The following GALNT15 variants were observed in gnomAD, a reference collection of about 807,000 sequenced individuals.
The protein encoded by GALNT15 is polypeptide N-acetylgalactosaminyltransferase 15.
In GALNT15, 67 loss-of-function variants were observed where a neutral mutation model predicts 66.8. The ratio of observed to expected loss-of-function variants is 1.00; its 90% confidence interval spans 0.82 to 1.23. GALNT15 has a LOEUF of 1.23. Among genes scored for constraint, GALNT15 ranks in the 50% most tolerant of loss-of-function variants. The pLI is 0.00. For synonymous variants in GALNT15, 313 were observed against 311.5 expected (o/e 1.00, Z -0.05); for missense variants, 827 against 804.3 (o/e 1.03, Z -0.34).
chr3:16,241,207 T>TAGCTTTTTGCCC, the GALNT15 span, among the ~76,000 whole-genome samples: 1 of 152,212 alleles, frequency 6.6e-6, no homozygotes, highest in Admixed American at 6.5e-5. This position sits in a 1 kb window ranked among gnomAD's most constrained non-coding sequence, Gnocchi z 4.6. Flanking sequence ...AAATTTTGCT[T>TAGCTTTTTGCCC]AGCTTTTTGC....
chr3:16,222,514 G>T, intron 8 of GALNT15, 101 bp from the exon 9 acceptor site: 2 of 1,378,208 alleles, frequency 1.5e-6, no homozygotes, highest in East Asian at 2.3e-5. Context: ...TCTGAAGATT[G>T]CCCCTAGACC....
intron 1 of GALNT15, among the ~76,000 whole-genome samples, chr3:16,194,833 G>C (rs2063615790): frequency 6.6e-6 from 1 of 152,142 alleles, no homozygotes; most frequent in African/African-American, 2.4e-5. Flanking sequence ...CCTGTTGTGG[G>C]GGCATGGGGA....
chr3:16,242,640 A>C, the GALNT15 span, among the ~76,000 whole-genome samples: 1 of 151,746 alleles, frequency 6.6e-6, no homozygotes, highest in Non-Finnish European at 1.5e-5. This position sits in a 1 kb window ranked among gnomAD's most constrained non-coding sequence, Gnocchi z 5.6. Flanking sequence ...ATACCTAGGC[A>C]TTGTAGCACA....
At chr3:16,240,084 C>T in the GALNT15 span, among the ~76,000 whole-genome samples, 96 of 152,244 alleles carry the variant, frequency 6.3e-4, no homozygotes, top group Admixed American at 1.3e-3. Flanking sequence ...GGCATCTGGC[C>T]GATACTCATG....
At chr3:16,232,473 T>TAAATAA (rs1559698324), downstream of GALNT15, among the ~76,000 whole-genome samples, 557 of 43,810 alleles carry the variant, frequency 0.013, 8 homozygotes, top group Non-Finnish European at 0.016. Flanking sequence ...TAAATAAATA[T>TAAATAA]ATATATATAT....
chr3:16,206,176 G>A (rs2063754554), intron 3 of GALNT15, among the ~76,000 whole-genome samples: 1 of 151,808 alleles, frequency 6.6e-6, no homozygotes, highest in Admixed American at 6.6e-5. Flanking sequence ...TCAGGAGTTC[G>A]AGACTAGCCT....
At position 16,219,504 on chromosome 3, in the gene GALNT15, A is replaced by G; in HGVS notation, c.1494A>G (p.Pro498=). The change falls in exon 7 of 10, where the codon CCA becomes CCG. Residue 498 remains proline (P), a synonymous_variant. Coordinates refer to ENST00000339732, the MANE Select transcript of GALNT15 (RefSeq NM_054110.5). This position sits in a 1 kb window ranked among gnomAD's most constrained non-coding sequence, Gnocchi z 4.3. ...CTAATGTCTACCCTGAGCTGTACCC[A>G]TCTGAACCCAGGCCCAGTTTCTCTG... ...FLANVYPELY[P]SEPRPSFSGK... 3 of 1,614,206 alleles carry G rather than the reference A, an allele frequency of 1.9e-6. No homozygotes were observed. Among genetic ancestry groups the G allele is most frequent in the Non-Finnish European group, 2.5e-6 (3 of 1,180,032 alleles).
intron 2 of GALNT15, among the ~76,000 whole-genome samples, chr3:16,197,529 G>A (rs2063651737): frequency 6.6e-6 from 1 of 152,178 alleles, no homozygotes; most frequent in Non-Finnish European, 1.5e-5. Flanking sequence ...ACCCAGAGAG[G>A]CAGGGCTTAT....
At position 16,219,544 on chromosome 3, in the gene GALNT15, G is replaced by T. The variant is rs766405149; in HGVS notation, c.1524+10G>T. 6.2e-7 allele frequency: 1 copy of T among 1,612,912 alleles called. No individual in the cohort carries two copies. Among genetic ancestry groups the T allele is most frequent in the African/African-American group, 1.3e-5 (1 of 74,854 alleles). On this transcript the variant is annotated intron_variant, in intron 7 of 9. Coordinates refer to ENST00000339732, the MANE Select transcript of GALNT15 (RefSeq NM_054110.5). The surrounding 1 kb of genome is among the most constrained non-coding windows in gnomAD (Gnocchi z 4.3). Reference sequence around the variant, plus strand: ...CAGTTTCTCTGGAAAGGCAAGGCATGACCCAGGGAAGATGGGGAGGGACAG... The same window carrying T: ...CAGTTTCTCTGGAAAGGCAAGGCATTACCCAGGGAAGATGGGGAGGGACAG...
In GALNT15 at chr3:16,203,648, C is replaced by A. The variant is rs569454101; in HGVS notation, c.911+2825C>A. Among the ~76,000 whole-genome samples, 1 of 151,288 alleles carries A rather than the reference C, an allele frequency of 6.6e-6. No homozygotes were observed. Among genetic ancestry groups the A allele is most frequent in the East Asian group, 2.0e-4 (1 of 5,118 alleles). ...CCTTCCTCTTTGGGTTCCATCTCTT[C>A]TGCGTGATGTGACCACATTTTCATC... On this transcript the variant is annotated intron_variant, in intron 3 of 9. Coordinates refer to ENST00000339732, the MANE Select transcript of GALNT15 (RefSeq NM_054110.5). The surrounding 1 kb of genome is among the most constrained non-coding windows in gnomAD (Gnocchi z 6.2).
chr3:16,233,561 C>T (rs566801514), downstream of GALNT15, among the ~76,000 whole-genome samples: 13 of 152,090 alleles, frequency 8.5e-5, no homozygotes, highest in East Asian at 1.5e-3. Context: ...GTGGTCATGT[C>T]GTCCCTCCCT....
In GALNT15 at chr3:16,204,948, C is replaced by T. The variant is rs1435106730; in HGVS notation, c.912-3555C>T. On this transcript the variant is annotated intron_variant, in intron 3 of 9. Transcript: ENST00000339732. The surrounding 1 kb of genome is among the most constrained non-coding windows in gnomAD (Gnocchi z 4.5). The stretch of plus-strand genomic sequence containing the variant: ...GAGTGTGGGGGGGAGCGAGCATGTG[C>T]GTGCGTGTGTGTGTGCGCGCGCATG... 6.6e-6 allele frequency among the ~76,000 whole-genome samples: 1 copy of T among 152,064 alleles called. No homozygotes were observed. The highest frequency in any genetic ancestry group is 2.4e-5 in the African/African-American group (1 of 41,416).
intron 3 of GALNT15, among the ~76,000 whole-genome samples, chr3:16,205,459 T>C (rs1187751469): frequency 6.6e-6 from 1 of 152,242 alleles, no homozygotes; most frequent in African/African-American, 2.4e-5. Context: ...TCCTTCTGTT[T>C]GCCTTTTGAA....
chr3:16,199,675 AG>A (rs2063678110), intron 2 of GALNT15, among the ~76,000 whole-genome samples: 1 of 97,362 alleles, frequency 1.0e-5, no homozygotes, highest in African/African-American at 3.8e-5. Context: ...GGTGAAGTCC[AG>A]CCATAGCCTG....
chr3:16,219,397 C>T lies in GALNT15; in HGVS notation c.1393-6C>T. 1 of 1,613,698 alleles carries T rather than the reference C, an allele frequency of 6.2e-7. No individual in the cohort carries two copies. Reference sequence around the variant, plus strand: ...ATCATCCTGCTTGTGTCTTTCTCCTCCCCAGGCTGAGAAGCCAGACTGCAT... The same window carrying T: ...ATCATCCTGCTTGTGTCTTTCTCCTTCCCAGGCTGAGAAGCCAGACTGCAT... On this transcript the variant is annotated splice_region_variant and splice_polypyrimidine_tract_variant and intron_variant, in intron 6 of 9. Coordinates refer to ENST00000339732, the MANE Select transcript of GALNT15 (RefSeq NM_054110.5). This position sits in a 1 kb window ranked among gnomAD's most constrained non-coding sequence, Gnocchi z 4.3.
rs2063454352 is a variant in GALNT15 at position 16,180,147 on chromosome 3, T to A, written c.539+4457T>A. Reference sequence around the variant, plus strand: ...ATTCCTGGCCTCCATTCCTCCAGTTTCTGATTCAGTGGGTGTGAAGTGGGG... The same window carrying A: ...ATTCCTGGCCTCCATTCCTCCAGTTACTGATTCAGTGGGTGTGAAGTGGGG... On this transcript the variant is annotated intron_variant, in intron 1 of 9. Transcript: ENST00000339732. The surrounding 1 kb of genome is among the most constrained non-coding windows in gnomAD (Gnocchi z 5.0). 6.6e-6 allele frequency among the ~76,000 whole-genome samples: 1 copy of A among 152,218 alleles called. No homozygotes were observed. The highest frequency in any genetic ancestry group is 1.5e-5 in the Non-Finnish European group (1 of 68,048).
At chr3:16,178,434 A>G (rs1287355353) in intron 1 of GALNT15, among the ~76,000 whole-genome samples, 1 of 152,184 alleles carries the variant, frequency 6.6e-6, no homozygotes, top group African/African-American at 2.4e-5. Flanking sequence ...CTGCGAAGGG[A>G]GACGATTGGA....
intron 2 of GALNT15, among the ~76,000 whole-genome samples, chr3:16,196,685 G>A (rs1424661608): frequency 6.6e-6 from 1 of 152,170 alleles, no homozygotes; most frequent in African/African-American, 2.4e-5. Flanking sequence ...CGAAGAATTT[G>A]CATTTCTAAC....
Position 16,227,415 on chromosome 3 carries a change from A to G in GALNT15, c.1835A>G (p.Asn612Ser), listed in dbSNP as rs2064033449. 20 of 1,614,060 alleles carry G rather than the reference A, an allele frequency of 1.2e-5. No homozygotes were observed. The highest frequency in any genetic ancestry group is 1.7e-5 in the Non-Finnish European group (20 of 1,180,028). ...KCMEAVVQENNKDLYLRPCDG... is the reference protein window; with the variant it reads ...KCMEAVVQENSKDLYLRPCDG... The stretch of plus-strand genomic sequence containing the variant: ...ATGGAAGCTGTGGTGCAAGAAAACA[A>G]TAAAGATTTGTACCTGCGTCCGTGT... The change falls in exon 10 of 10, where the codon AAT becomes AGT. Residue 612 changes from asparagine (N) to serine (S), a missense_variant. Coordinates refer to ENST00000339732, the MANE Select transcript of GALNT15 (RefSeq NM_054110.5). The surrounding 1 kb of genome is among the most constrained non-coding windows in gnomAD (Gnocchi z 4.5).
Sources: allele counts gnomAD v4.1 joint callset (sites outside exome capture counted in the v4.1 genomes callset), GRCh38; gene constraint gnomAD v4.1.1; non-coding constraint Gnocchi (gnomAD v3.1); transcripts MANE v1.5; gene names NCBI Gene and HGNC (gene_info 2026-07-23, HGNC 2026-07-21).